The following PHACTR1 variants were observed in gnomAD, a reference collection of about 807,000 sequenced individuals.
The protein encoded by PHACTR1 is phosphatase and actin regulator 1.
Under a neutral mutation model 69.2 loss-of-function variants are expected in PHACTR1, and 16 were observed. The observed-to-expected ratio is 0.23, with a 90% CI of 0.16 to 0.35. The LOEUF (loss-of-function observed/expected upper bound fraction) is 0.35. Ranked by LOEUF, PHACTR1 falls within the 10% of genes least tolerant of loss-of-function variation. The pLI is 1.00. For synonymous variants in PHACTR1, 312 were observed against 284.5 expected, an observed-to-expected ratio of 1.10 and a Z score of -0.97; for missense variants, 510 against 734.7, an observed-to-expected ratio of 0.69 and a Z score of 3.54.
chr6:13,087,202 A>AAT (rs71727736), intron 5 of PHACTR1, among the ~76,000 whole-genome samples: 19,603 of 147,416 alleles, frequency 0.13, 4,312 homozygotes, highest in African/African-American at 0.45. Flanking sequence ...TTAGATATCT[A>AAT]ATATATATAT....
chr6:13,208,632 C>T (rs972765010), intron 8 of PHACTR1, among the ~76,000 whole-genome samples: 4 of 137,816 alleles, frequency 2.9e-5, no homozygotes, highest in Non-Finnish European at 6.3e-5. Flanking sequence ...TTGCTGCCCA[C>T]CCCCCCAACC....
chr6:12,815,384 G>T (rs922490803), intron 4 of PHACTR1, among the ~76,000 whole-genome samples: 30 of 151,958 alleles, frequency 2.0e-4, no homozygotes, highest in African/African-American at 7.3e-4. Context: ...TTCTCTACTT[G>T]CATTTCCCTA....
intron 4 of PHACTR1, among the ~76,000 whole-genome samples, chr6:13,042,915 C>T (rs1206234642): frequency 6.6e-6 from 1 of 152,118 alleles, no homozygotes; most frequent in Non-Finnish European, 1.5e-5. Context: ...TTGTTAGAAC[C>T]CTTTTAGTTG....
chr6:13,127,051 T>C (rs548396507), intron 5 of PHACTR1, among the ~76,000 whole-genome samples: 2 of 152,318 alleles, frequency 1.3e-5, no homozygotes, highest in South Asian at 4.1e-4. Flanking sequence ...TATGCTGAAT[T>C]GGACAGAGCA....
At chr6:13,061,394 G>T (rs1040291234) in intron 5 of PHACTR1, among the ~76,000 whole-genome samples, 1 of 152,168 alleles carries the variant, frequency 6.6e-6, no homozygotes, top group African/African-American at 2.4e-5. Flanking sequence ...GGTCCAGGGG[G>T]TTCAGAGGAA....
rs905107787 is a variant in PHACTR1 at position 12,957,931 on chromosome 6, G to A, written c.251-95434G>A. The A allele has an allele frequency of 7.1e-6, 7 of 985,198 alleles. No individual in the cohort carries two copies. In the African/African-American group the frequency reaches 1.2e-4, roughly 17 times the overall value. 61.0% of individuals were successfully genotyped at this position (985,198 alleles called of 1,614,324 possible). ...TGTGTATTTTCAGAGCCCGACACTT[G>A]AGGAGACTGTTGCTCAATTTAAGAA... On this transcript the variant is annotated intron_variant, in intron 4 of 14. Coordinates refer to ENST00000332995, the MANE Select transcript of PHACTR1 (RefSeq NM_030948.6).
chr6:13,033,516 A>C (rs1272286502), intron 4 of PHACTR1, among the ~76,000 whole-genome samples: 1 of 152,216 alleles, frequency 6.6e-6, no homozygotes, highest in Non-Finnish European at 1.5e-5. Context: ...TTCGGTAAAC[A>C]GCCATACTTA....
intron 10 of PHACTR1, among the ~76,000 whole-genome samples, chr6:13,237,096 G>T (rs553996174): frequency 2.0e-4 from 30 of 152,300 alleles, no homozygotes; most frequent in Admixed American, 1.9e-3. Flanking sequence ...GACTTTATAG[G>T]ACTGGCACAG....
At chr6:13,278,698 C>T (rs892803461) in intron 12 of PHACTR1, among the ~76,000 whole-genome samples, 3 of 152,176 alleles carry the variant, frequency 2.0e-5, no homozygotes, top group Non-Finnish European at 4.4e-5. Flanking sequence ...TGGTTCATGC[C>T]TATAAACCCA....
At chr6:13,030,510 T>C (rs1294283082) in intron 4 of PHACTR1, among the ~76,000 whole-genome samples, 1 of 152,234 alleles carries the variant, frequency 6.6e-6, no homozygotes, top group South Asian at 2.1e-4. Flanking sequence ...TCAGTGTACA[T>C]AAACGGTTTA....
chr6:13,020,504 C>T (rs1406014070), intron 4 of PHACTR1, among the ~76,000 whole-genome samples: 1 of 152,134 alleles, frequency 6.6e-6, no homozygotes, highest in Non-Finnish European at 1.5e-5. Context: ...GAACCCATCT[C>T]CTCCCTGGGG....
chr6:12,815,794 C>T (rs1472678669), intron 4 of PHACTR1, among the ~76,000 whole-genome samples: 1 of 152,186 alleles, frequency 6.6e-6, no homozygotes, highest in Non-Finnish European at 1.5e-5. Flanking sequence ...CTTAACTGAA[C>T]ACCAAATAGT....
chr6:13,014,252 G>A (rs1799849432), intron 4 of PHACTR1, among the ~76,000 whole-genome samples: 1 of 152,084 alleles, frequency 6.6e-6, no homozygotes, highest in African/African-American at 2.4e-5. Flanking sequence ...AAAACTGCGG[G>A]GACATCCGCA....
At chr6:12,804,238 C>T (rs941426739) in intron 4 of PHACTR1, among the ~76,000 whole-genome samples, 12 of 152,192 alleles carry the variant, frequency 7.9e-5, no homozygotes, top group African/African-American at 2.7e-4. Flanking sequence ...TCTAATCATT[C>T]TTATATTTGG....
chr6:12,924,685 G>T (rs1582514164), intron 4 of PHACTR1, among the ~76,000 whole-genome samples: 1 of 150,778 alleles, frequency 6.6e-6, no homozygotes, highest in East Asian at 2.0e-4. Flanking sequence ...TGAGGTAAGA[G>T]AATGGCATGA....
At chr6:13,034,456 C>G (rs966358864) in intron 4 of PHACTR1, among the ~76,000 whole-genome samples, 2 of 152,298 alleles carry the variant, frequency 1.3e-5, no homozygotes, top group East Asian at 3.9e-4. Flanking sequence ...CCCCTCCAAA[C>G]CACTTCCTCT....
At chr6:12,976,930 G>GA (rs1343190499) in intron 4 of PHACTR1, among the ~76,000 whole-genome samples, 2 of 152,058 alleles carry the variant, frequency 1.3e-5, no homozygotes, top group Non-Finnish European at 2.9e-5. Context: ...GTATGTATAG[G>GA]AAAAAACATA....
intron 5 of PHACTR1, among the ~76,000 whole-genome samples, chr6:13,152,257 C>G (rs1236638941): frequency 6.6e-6 from 1 of 151,954 alleles, no homozygotes; most frequent in Non-Finnish European, 1.5e-5. Flanking sequence ...AGGCTTAAAC[C>G]TGGGAGGTGG....
At chr6:13,125,117 T>C (rs1239163751) in intron 5 of PHACTR1, among the ~76,000 whole-genome samples, 1 of 152,134 alleles carries the variant, frequency 6.6e-6, no homozygotes, top group Non-Finnish European at 1.5e-5. Context: ...TCCTCAAACT[T>C]TCACGGCTGG....
Sources: allele counts gnomAD v4.1 joint callset (sites outside exome capture counted in the v4.1 genomes callset), GRCh38; gene constraint gnomAD v4.1.1; transcripts MANE v1.5; gene names NCBI Gene and HGNC (gene_info 2026-07-23, HGNC 2026-07-21).